STXBP5: variants seen among roughly 807,000 people sequenced by gnomAD.
STXBP5 encodes the protein syntaxin binding protein 5, also known as syntaxin-binding protein 5.
Under a neutral mutation model 152.4 loss-of-function variants are expected in STXBP5, and 50 were observed. The observed-to-expected ratio is 0.33, with a 90% CI of 0.26 to 0.42. STXBP5 has a LOEUF of 0.42. Among genes scored for constraint, STXBP5 ranks in the 10% least tolerant of loss-of-function variants. The probability of loss-of-function intolerance (pLI) is 1.00; values close to 1 mark genes in which losing one functional copy is unlikely to be tolerated. For missense variants in STXBP5, 1,167 were observed against 1,388.6 expected (o/e 0.84, Z 2.54); for synonymous variants, 492 against 494.7 (o/e 0.99, Z 0.07).
At chr6:147,279,995 CT>C (rs553393433) in intron 8 of STXBP5, among the ~76,000 whole-genome samples, 271 of 150,208 alleles carry the variant, frequency 1.8e-3, no homozygotes, top group African/African-American at 6.5e-3. Flanking sequence ...TACAAAGGAT[CT>C]TTTTTTCTTT....
chr6:147,215,485 A>T (rs138722178), intron 2 of STXBP5, among the ~76,000 whole-genome samples: 147 of 152,120 alleles, frequency 9.7e-4, no homozygotes, highest in Admixed American at 1.4e-3. Context: ...GGCTCAAGGG[A>T]TCCTCCCACC....
chr6:147,310,285 TAA>T (rs11415538), intron 10 of STXBP5, 47 bp downstream of exon 10: 4,646 of 1,111,024 alleles, frequency 4.2e-3, no homozygotes, highest in East Asian at 8.7e-3. Context: ...GAGCTGATAT[TAA>T]AAAAAAAAAA....
chr6:147,341,634 C>G (rs1312561500), intron 21 of STXBP5, among the ~76,000 whole-genome samples: 1 of 151,970 alleles, frequency 6.6e-6, no homozygotes, highest in African/African-American at 2.4e-5. Flanking sequence ...TTTACCTGTT[C>G]TTCGAGAGTA....
chr6:147,383,003 G>A lies in STXBP5; in HGVS notation c.3414+5G>A, dbSNP rs749659837. ...TTTTCTAAACATGCTCATGAGGTAC[G>A]ACTCTCAAACAGATATTTGAACAAA... is the stretch of plus-strand genomic sequence containing the variant. On this transcript the variant is annotated splice_donor_5th_base_variant and intron_variant, in intron 27 of 27. Coordinates refer to ENST00000321680, the MANE Select transcript of STXBP5 (RefSeq NM_001127715.4). 7 of 1,612,796 alleles carry A rather than the reference G, an allele frequency of 4.3e-6. No homozygotes were observed. The African/African-American group carries it at 6.7e-5, about 15-fold the overall frequency.
chr6:147,281,305 G>A (rs903792365), intron 8 of STXBP5, among the ~76,000 whole-genome samples: 9 of 152,040 alleles, frequency 5.9e-5, no homozygotes, highest in East Asian at 1.9e-4. Flanking sequence ...TGATCCACCC[G>A]CCTCAGCCTC....
chr6:147,375,716 T>C (rs1248417918), intron 26 of STXBP5, among the ~76,000 whole-genome samples: 1 of 151,578 alleles, frequency 6.6e-6, no homozygotes, highest in African/African-American at 2.4e-5. Context: ...TTAATTCCAA[T>C]GATGTTTTTA....
intron 22 of STXBP5, among the ~76,000 whole-genome samples, chr6:147,354,762 C>G (rs778719113): frequency 5.3e-5 from 8 of 152,158 alleles, no homozygotes; most frequent in Non-Finnish European, 1.2e-4. Context: ...TCCATGCTTT[C>G]ATAGATTATT....
chr6:147,372,406 CCTTTTTTTTTTTTTTTTTTTTT>C (rs1562274990), intron 25 of STXBP5, among the ~76,000 whole-genome samples: 550 of 39,082 alleles, frequency 0.014, 58 homozygotes, highest in Non-Finnish European at 0.018. Flanking sequence ...CCGTCCTTTT[CCTTTTTTTTTTTTTTTTTTTTT>C]TTTTTTTTTT....
At chr6:147,259,392 G>A (rs952757905) in intron 4 of STXBP5, among the ~76,000 whole-genome samples, 1 of 152,104 alleles carries the variant, frequency 6.6e-6, no homozygotes, top group African/African-American at 2.4e-5. Flanking sequence ...CAGTAGACAT[G>A]TCTATACTTG....
chr6:147,367,320 C>T (rs902216570), intron 25 of STXBP5, among the ~76,000 whole-genome samples: 1 of 152,122 alleles, frequency 6.6e-6, no homozygotes, highest in African/African-American at 2.4e-5. Context: ...GGTCTCAATG[C>T]AATGATGTCA....
intron 4 of STXBP5, among the ~76,000 whole-genome samples, chr6:147,253,502 C>T (rs1392809437): frequency 6.6e-6 from 1 of 152,080 alleles, no homozygotes; most frequent in Non-Finnish European, 1.5e-5. Flanking sequence ...AACAGGAAGA[C>T]AGGAAGTCAA....
intron 21 of STXBP5, among the ~76,000 whole-genome samples, chr6:147,346,428 C>T (rs1451455297): frequency 2.0e-5 from 3 of 151,998 alleles, no homozygotes; most frequent in Non-Finnish European, 2.9e-5. Context: ...AGTATATTCC[C>T]CAGAAGTCAT....
rs765904675 is a variant in STXBP5, at chr6:147,324,514, C to T, written c.1803-445C>T. Among the ~76,000 whole-genome samples the T allele has an allele frequency of 1.0e-3, 154 of 151,984 alleles. 2 individuals are homozygous for T. The highest frequency in any genetic ancestry group is 2.5e-4 in the Non-Finnish European group (17 of 67,990). Reference sequence around the variant, plus strand: ...TCTTGAACTGACCTCAGGTGATCTGCCCTTCTCGGCTTCCCAAAGTGCTGG... The same window carrying T: ...TCTTGAACTGACCTCAGGTGATCTGTCCTTCTCGGCTTCCCAAAGTGCTGG... On this transcript the variant is annotated intron_variant, in intron 16 of 27. Transcript: ENST00000321680.
intron 7 of STXBP5, among the ~76,000 whole-genome samples, chr6:147,267,688 T>G (rs914942811): frequency 1.3e-5 from 2 of 152,146 alleles, no homozygotes; most frequent in Admixed American, 1.3e-4. Flanking sequence ...TTTTGTTTTT[T>G]GTTTTTTGTT....
chr6:147,299,877 C>G (rs1781718828), intron 9 of STXBP5, among the ~76,000 whole-genome samples: 1 of 152,078 alleles, frequency 6.6e-6, no homozygotes, highest in South Asian at 2.1e-4. Context: ...CAAATTATCC[C>G]TGTTTGCAAA....
intron 9 of STXBP5, chr6:147,292,445 G>A (rs1781327954): frequency 3.9e-6 from 1 of 257,334 alleles, no homozygotes; most frequent in Non-Finnish European, 7.6e-6. Flanking sequence ...GACATTAGTT[G>A]TTTAATTGAG....
At chr6:147,241,637 A>G (rs879808212) in intron 4 of STXBP5, among the ~76,000 whole-genome samples, 2 of 152,186 alleles carry the variant, frequency 1.3e-5, no homozygotes, top group Non-Finnish European at 2.9e-5. Context: ...CTGTCATAAC[A>G]TCATAGCATC....
intron 8 of STXBP5, among the ~76,000 whole-genome samples, chr6:147,283,701 A>G (rs1780809927): frequency 6.6e-6 from 1 of 152,198 alleles, no homozygotes. Flanking sequence ...AACCTGCAGC[A>G]AAACTATACA....
At chr6:147,272,392 C>T (rs945564352) in intron 7 of STXBP5, among the ~76,000 whole-genome samples, 1 of 152,286 alleles carries the variant, frequency 6.6e-6, no homozygotes, top group Non-Finnish European at 1.5e-5. Context: ...ATCATGTGTT[C>T]TAAATGACGG....
Sources: allele counts gnomAD v4.1 joint callset (sites outside exome capture counted in the v4.1 genomes callset), GRCh38; gene constraint gnomAD v4.1.1; transcripts MANE v1.5; gene names NCBI Gene and HGNC (gene_info 2026-07-23, HGNC 2026-07-21).